EFHC2: variants seen among roughly 807,000 people sequenced by gnomAD.
EFHC2 encodes EF-hand domain containing 2.
In EFHC2, 18 loss-of-function variants were observed where a neutral mutation model predicts 52.7. That is an observed-to-expected ratio of 0.34 (90% CI 0.24 to 0.51). EFHC2 has a LOEUF of 0.51. Ranked by LOEUF, EFHC2 falls within the 20% of genes least tolerant of loss-of-function variation. EFHC2 has a pLI of 0.97. For missense variants in EFHC2, 513 were observed against 562.5 expected (o/e 0.91, Z 0.89); for synonymous variants, 203 against 204.1 (o/e 0.99, Z 0.04).
intron 2 of EFHC2, among the ~76,000 whole-genome samples, chrX:44,290,521 T>C (rs1428648171): frequency 1.0e-5 from 1 of 97,201 alleles, no homozygotes; most frequent in Non-Finnish European, 2.0e-5. Flanking sequence ...AGTTTCTTTG[T>C]TCATTCCTGA....
chrX:44,209,613 G>A (rs1010355539), intron 11 of EFHC2, among the ~76,000 whole-genome samples: 3 of 109,426 alleles, frequency 2.7e-5, no homozygotes, highest in Admixed American at 9.7e-5. Context: ...AGCTTGACAC[G>A]AGATGTGCAA....
chrX:44,256,265 G>A (rs978613680), intron 4 of EFHC2, among the ~76,000 whole-genome samples: 3 of 111,446 alleles, frequency 2.7e-5, no homozygotes, highest in Admixed American at 9.5e-5. Context: ...TCAAAAGCTA[G>A]CAGAAGGCAA....
At chrX:44,327,356 C>A (rs956236579) in intron 1 of EFHC2, among the ~76,000 whole-genome samples, 2 of 111,780 alleles carry the variant, frequency 1.8e-5, no homozygotes, top group African/African-American at 6.5e-5. Context: ...CCTCTACAGT[C>A]ACCAGCAGTT....
At chrX:44,236,157 GA>G (rs918122789) in intron 8 of EFHC2, among the ~76,000 whole-genome samples, 1 of 111,281 alleles carries the variant, frequency 9.0e-6, no homozygotes, top group Non-Finnish European at 1.9e-5. Context: ...AATGTTTATG[GA>G]AAATTGTTAT....
chrX:44,241,668 A>T (rs1312060966), intron 8 of EFHC2, among the ~76,000 whole-genome samples: 2 of 112,594 alleles, frequency 1.8e-5, no homozygotes, highest in African/African-American at 6.4e-5. Flanking sequence ...CCATAAAAAA[A>T]GTCTTATTGG....
chrX:44,342,561 T>C (rs2038157002), intron 1 of EFHC2, among the ~76,000 whole-genome samples: 1 of 111,623 alleles, frequency 9.0e-6, no homozygotes, highest in Admixed American at 9.6e-5. Flanking sequence ...TGCTTTGTTC[T>C]GTACGTTCAT....
chrX:44,296,351 A>G (rs1297884356), intron 2 of EFHC2, among the ~76,000 whole-genome samples: 7 of 112,573 alleles, frequency 6.2e-5, no homozygotes, highest in African/African-American at 1.9e-4. Context: ...ATGTAAAACT[A>G]TTAAAATATG....
rs1555995203 is a variant in EFHC2 at position 44,148,230 on chromosome X, C to CATGT, written c.*564_*565insACAT. On this transcript the variant is annotated 3_prime_UTR_variant, in exon 15 of 15. Coordinates refer to ENST00000420999, the MANE Select transcript of EFHC2 (RefSeq NM_025184.4). ...TATGTTTCCAGTGTGTGTGCACGTGCGTGTGTGTGTGTGTGTGTGTGTGTG... is the reference window on the plus strand; with the variant it reads ...TATGTTTCCAGTGTGTGTGCACGTGCATGTGTGTGTGTGTGTGTGTGTGTGTGTG... 9.8e-6 allele frequency: 1 copy of CATGT among 101,845 alleles called. No individual in the cohort carries two copies. Among genetic ancestry groups the CATGT allele is most frequent in the Non-Finnish European group, 2.0e-5 (1 of 50,185 alleles). 8.4% of individuals were successfully genotyped at this position (101,845 alleles called of 1,213,427 possible).
chrX:44,177,883 T>C (rs1186380260), intron 12 of EFHC2, among the ~76,000 whole-genome samples: 1 of 110,005 alleles, frequency 9.1e-6, no homozygotes, highest in Non-Finnish European at 1.9e-5. Flanking sequence ...AGAAGCCTAT[T>C]CTTTCAAAGA....
chrX:44,280,928 AT>A (rs976479771), intron 2 of EFHC2, among the ~76,000 whole-genome samples: 12 of 107,661 alleles, frequency 1.1e-4, no homozygotes, highest in African/African-American at 2.3e-4. Context: ...TAGAATTATT[AT>A]TTTTTTTTTA....
At chrX:44,202,596 A>G (rs927045326) in intron 11 of EFHC2, among the ~76,000 whole-genome samples, 10 of 111,624 alleles carry the variant, frequency 9.0e-5, no homozygotes, top group Middle Eastern at 4.2e-3. Context: ...TATGTCCCCA[A>G]AATCAGGTGG....
chrX:44,153,424 C>T (rs1483812657), intron 14 of EFHC2, among the ~76,000 whole-genome samples: 1 of 111,900 alleles, frequency 8.9e-6, no homozygotes, highest in Non-Finnish European at 1.9e-5. Flanking sequence ...CCTTTTGTCA[C>T]TCTTCCTTAG....
intron 2 of EFHC2, chrX:44,310,190 C>CT: frequency 1.4e-6 from 1 of 724,999 alleles, no homozygotes; most frequent in Admixed American, 2.2e-5. Context: ...AAGCCTCCGC[C>CT]TTCTCATACA....
At chrX:44,341,512 A>G (rs2038151627) in intron 1 of EFHC2, among the ~76,000 whole-genome samples, 1 of 112,270 alleles carries the variant, frequency 8.9e-6, no homozygotes, top group African/African-American at 3.2e-5. Flanking sequence ...GCAGTAATGC[A>G]ATCATGGCTC....
intron 13 of EFHC2, among the ~76,000 whole-genome samples, chrX:44,168,552 A>C (rs1447316645): frequency 1.8e-5 from 2 of 108,565 alleles, no homozygotes; most frequent in African/African-American, 3.4e-5. Context: ...AAAAAAAAAG[A>C]AAGCAAGAGC....
chrX:44,315,253 C>G (rs2037976226), intron 1 of EFHC2, among the ~76,000 whole-genome samples: 1 of 110,570 alleles, frequency 9.0e-6, no homozygotes, highest in Non-Finnish European at 1.9e-5. Context: ...AAGCAAATGC[C>G]AACACCACAC....
At chrX:44,289,677 C>CT (rs1207899077) in intron 2 of EFHC2, among the ~76,000 whole-genome samples, 1,557 of 72,190 alleles carry the variant, frequency 0.022, 73 homozygotes, top group East Asian at 0.12. Flanking sequence ...TCTTTTCTTT[C>CT]TTTTTTTTTT....
intron 14 of EFHC2, among the ~76,000 whole-genome samples, chrX:44,155,849 G>A (rs1333934532): frequency 8.9e-6 from 1 of 112,554 alleles, no homozygotes; most frequent in Non-Finnish European, 1.9e-5. Flanking sequence ...ATTTGGGGAA[G>A]AGGATTTTGC....
chrX:44,231,357 G>T (rs1200929000), intron 10 of EFHC2, among the ~76,000 whole-genome samples: 1 of 111,878 alleles, frequency 8.9e-6, no homozygotes, highest in African/African-American at 3.2e-5. Flanking sequence ...GCCTGACAGG[G>T]GACCTCTCTG....
Sources: gnomAD v4.1 joint callset for allele counts (sites outside exome capture counted in the v4.1 genomes callset) on GRCh38, gnomAD v4.1.1 for gene constraint, MANE v1.5 for transcripts, NCBI Gene and HGNC (gene_info 2026-07-23, HGNC 2026-07-21) for gene names.